The following CCDC141 variants were observed in gnomAD, a reference collection of about 807,000 sequenced individuals.
The protein encoded by CCDC141 is coiled-coil domain-containing protein 141.
A neutral mutation model predicts 181.0 loss-of-function variants in CCDC141; 168 were observed. That is an observed-to-expected ratio of 0.93 (90% confidence interval 0.82 to 1.05). CCDC141 has a LOEUF of 1.05. CCDC141 is among the 50% of genes least tolerant of loss of function. CCDC141 has a pLI of 0.00. For synonymous variants in CCDC141, 666 were observed against 642.3 expected, an observed-to-expected ratio of 1.04 and a Z score of -0.56; for missense variants, 1,902 against 1,788.5, an observed-to-expected ratio of 1.06 and a Z score of -1.14.
At chr2:178,893,926 G>C (rs1687285892) in intron 8 of CCDC141, among the ~76,000 whole-genome samples, 1 of 152,028 alleles carries the variant, frequency 6.6e-6, no homozygotes, top group Non-Finnish European at 1.5e-5. Context: ...CTGGGTTCTT[G>C]TTCAGATGCA....
intron 2 of CCDC141, among the ~76,000 whole-genome samples, chr2:179,022,167 T>C (rs2042707072): frequency 6.6e-6 from 1 of 152,148 alleles, no homozygotes; most frequent in South Asian, 2.1e-4. Context: ...TACGCTTGGA[T>C]TTGTTTGGAT....
chr2:178,828,696 G>A (rs11887838), downstream of CCDC141, among the ~76,000 whole-genome samples: 44 of 152,140 alleles, frequency 2.9e-4, no homozygotes, highest in African/African-American at 1.0e-3. Context: ...AGCTGACTCT[G>A]TTTTCCAACA....
At chr2:178,859,331 C>T (rs62175457) in intron 17 of CCDC141, among the ~76,000 whole-genome samples, 5,162 of 152,240 alleles carry the variant, frequency 0.034, 136 homozygotes, top group Middle Eastern at 0.058. Flanking sequence ...ACTTAACTTC[C>T]CATCTAATCC....
At chr2:179,038,512 A>T (rs911199148) in intron 2 of CCDC141, among the ~76,000 whole-genome samples, 2 of 152,202 alleles carry the variant, frequency 1.3e-5, no homozygotes, top group African/African-American at 2.4e-5. Context: ...ATGGCAAATT[A>T]TATGTTATGT....
At chr2:178,939,430 T>C (rs534475930) in intron 6 of CCDC141, among the ~76,000 whole-genome samples, 1 of 152,248 alleles carries the variant, frequency 6.6e-6, no homozygotes, top group Non-Finnish European at 1.5e-5. Flanking sequence ...TCAGGAGATA[T>C]GCCAGGGGAG....
rs1691223611 is a variant in CCDC141 at position 178,978,530 on chromosome 2, G to A, written c.371C>T (p.Thr124Ile). ...AALVSMLERR[T>I]ELLRLTSEFF... ...TTCAGAAGTCAACCTAAGGAGCTCTGTTCTTCTTTCAAGCATGGACACCAG... is the reference window on the plus strand; with the variant it reads ...TTCAGAAGTCAACCTAAGGAGCTCTATTCTTCTTTCAAGCATGGACACCAG... Residue 124 changes from threonine (T) to isoleucine (I), a missense_variant, in exon 3 of 24, where the codon ACA becomes ATA. Thr to Ile is a moderately conservative substitution (Grantham distance 89). Coordinates refer to ENST00000443758, the MANE Select transcript of CCDC141 (RefSeq NM_173648.4). 6.5e-7 allele frequency: 1 copy of A among 1,538,582 alleles called. No individual in the cohort carries two copies. The highest frequency in any genetic ancestry group is 8.8e-7 in the Non-Finnish European group (1 of 1,142,736).
chr2:179,027,756 C>T (rs561810557), intron 2 of CCDC141, among the ~76,000 whole-genome samples: 1 of 150,296 alleles, frequency 6.7e-6, no homozygotes, highest in East Asian at 2.0e-4. Flanking sequence ...TGCCTTCCAC[C>T]ATGATTGTGA....
chr2:179,043,783 T>C (rs1266540012), intron 2 of CCDC141, among the ~76,000 whole-genome samples: 1 of 152,152 alleles, frequency 6.6e-6, no homozygotes, highest in Admixed American at 6.5e-5. Context: ...GGATGCCTAT[T>C]CAACACAGTA....
intron 21 of CCDC141, among the ~76,000 whole-genome samples, chr2:178,848,972 A>C (rs908933830): frequency 9.9e-5 from 15 of 152,154 alleles, no homozygotes; most frequent in African/African-American, 3.6e-4. Flanking sequence ...AAGAAAGAAA[A>C]AGCTATGCAC....
At chr2:179,028,419 C>T (rs1292170925) in intron 2 of CCDC141, among the ~76,000 whole-genome samples, 1 of 152,194 alleles carries the variant, frequency 6.6e-6, no homozygotes, top group Admixed American at 6.5e-5. Context: ...AACAGTTTAC[C>T]CTTACTACTG....
chr2:178,855,543 T>C lies in CCDC141; in HGVS notation c.2866-2A>G. On this transcript the variant is annotated splice_acceptor_variant, in intron 18 of 23. Transcript: ENST00000443758. LOFTEE classifies it high-confidence loss of function. Reference sequence around the variant, plus strand: ...TTTTTCCATTTTCCTTTTCAAAGCCTGTGTGAAAAACAAAAAGTTTTTTAA... The same window carrying C: ...TTTTTCCATTTTCCTTTTCAAAGCCCGTGTGAAAAACAAAAAGTTTTTTAA... 2 of 1,560,854 alleles carry C rather than the reference T, an allele frequency of 1.3e-6. No homozygotes were observed. The highest frequency in any genetic ancestry group is 1.7e-6 in the Non-Finnish European group (2 of 1,159,018).
chr2:178,859,859 A>G (rs886528481), intron 17 of CCDC141, among the ~76,000 whole-genome samples: 1 of 152,224 alleles, frequency 6.6e-6, no homozygotes, highest in Non-Finnish European at 1.5e-5. Context: ...GAAGGGAAAG[A>G]GGCTGATGCC....
intron 22 of CCDC141, among the ~76,000 whole-genome samples, chr2:178,839,218 C>T (rs1684616575): frequency 6.6e-6 from 1 of 152,016 alleles, no homozygotes; most frequent in African/African-American, 2.4e-5. Context: ...TAGAGACCAT[C>T]CTGGCTAACA....
In CCDC141 at chr2:178,931,983, T is replaced by G. The variant is rs1356237183; in HGVS notation, c.897+12552A>C. Reference sequence around the variant, plus strand: ...GAGTTCGAGACCAGCCTGGCCAACATGATGAAACCCCGTCTCTACTAAAAA... The same window carrying G: ...GAGTTCGAGACCAGCCTGGCCAACAGGATGAAACCCCGTCTCTACTAAAAA... On this transcript the variant is annotated intron_variant, in intron 6 of 23. Transcript: ENST00000443758. Among the ~76,000 whole-genome samples, 3 of 152,028 alleles carry G rather than the reference T, an allele frequency of 2.0e-5. No homozygotes were observed. The East Asian group carries it at 5.8e-4, about 29-fold the overall frequency.
intron 6 of CCDC141, among the ~76,000 whole-genome samples, chr2:178,930,006 C>G (rs1689039818): frequency 6.6e-6 from 1 of 151,816 alleles, no homozygotes; most frequent in Non-Finnish European, 1.5e-5. Context: ...CACAAGTGAA[C>G]AAAGAATATA....
intron 6 of CCDC141, among the ~76,000 whole-genome samples, chr2:178,931,362 CCATATACATGAATGTT>C (rs1380060949): frequency 1.3e-5 from 2 of 151,984 alleles, no homozygotes; most frequent in Non-Finnish European, 2.9e-5. Context: ...CAAAAAAAAC[CCATATACATGAATGTT>C]CATAGCAGCA....
At chr2:179,042,747 A>C (rs1406254520) in intron 2 of CCDC141, among the ~76,000 whole-genome samples, 1 of 152,220 alleles carries the variant, frequency 6.6e-6, no homozygotes, top group East Asian at 1.9e-4. Context: ...TAGCACTAAA[A>C]TGCCGACATC....
chr2:178,818,836 T>A, the CCDC141 span, among the ~76,000 whole-genome samples: 6 of 152,186 alleles, frequency 3.9e-5, no homozygotes, highest in Non-Finnish European at 8.8e-5. Context: ...TGGTTCTAGA[T>A]CTTTGAGGAA....
intron 2 of CCDC141, among the ~76,000 whole-genome samples, chr2:179,041,852 A>G (rs2043316577): frequency 6.6e-6 from 1 of 152,182 alleles, no homozygotes; most frequent in Non-Finnish European, 1.5e-5. Flanking sequence ...TCAGTTCAAC[A>G]AGAAGAGCTG....
Sources: allele counts gnomAD v4.1 joint callset (sites outside exome capture counted in the v4.1 genomes callset), GRCh38; gene constraint gnomAD v4.1.1; transcripts MANE v1.5; gene names NCBI Gene and HGNC (gene_info 2026-07-23, HGNC 2026-07-21).